The following HDAC8 variants were observed in gnomAD, a reference collection of about 807,000 sequenced individuals.
The protein encoded by HDAC8 is histone deacetylase 8, also known as histone deacetylase-like 1.
A neutral mutation model predicts 32.2 loss-of-function variants in HDAC8; 1 was observed. That is an observed-to-expected ratio of 0.03 (90% CI 0.01 to 0.15). The LOEUF is 0.15. HDAC8 is among the 10% of genes least tolerant of loss of function. The pLI is 1.00. For missense variants in HDAC8, 117 were observed against 300.0 expected (o/e 0.39, Z 4.51); for synonymous variants, 108 against 113.9 (o/e 0.95, Z 0.33).
intron 7 of HDAC8, among the ~76,000 whole-genome samples, chrX:72,480,907 G>A (rs1177074053): frequency 1.8e-5 from 2 of 109,926 alleles, no homozygotes; most frequent in Non-Finnish European, 3.8e-5. Context: ...TTGTCAGGGG[G>A]TGGGGAGCCA....
At chrX:72,335,226 G>A (rs1242120875) in intron 10 of HDAC8, among the ~76,000 whole-genome samples, 1 of 111,776 alleles carries the variant, frequency 8.9e-6, no homozygotes, top group Non-Finnish European at 1.9e-5. Context: ...GTTAAGATTC[G>A]CTTTTGGTCT....
intron 9 of HDAC8, among the ~76,000 whole-genome samples, chrX:72,440,725 C>G (rs782541853): frequency 8.9e-6 from 1 of 111,952 alleles, no homozygotes; most frequent in South Asian, 3.8e-4. Flanking sequence ...CGAAGCAGGG[C>G]GAGGCATTGC....
intron 10 of HDAC8, among the ~76,000 whole-genome samples, chrX:72,337,260 C>G (rs2043725242): frequency 8.9e-6 from 1 of 112,322 alleles, no homozygotes; most frequent in South Asian, 3.7e-4. Context: ...TACAGCTATG[C>G]TGCTCAATAT....
intron 7 of HDAC8, among the ~76,000 whole-genome samples, chrX:72,476,197 G>T (rs2048330392): frequency 9.0e-6 from 1 of 110,656 alleles, no homozygotes; most frequent in Non-Finnish European, 1.9e-5. Flanking sequence ...GTCAGAGCTA[G>T]AATTAGAACA....
chrX:72,512,685 C>T (rs1000014819), intron 4 of HDAC8, among the ~76,000 whole-genome samples: 27 of 111,044 alleles, frequency 2.4e-4, no homozygotes, highest in Non-Finnish European at 1.7e-4. Context: ...CAGAGCGTTG[C>T]AGAGCCTCTG....
At chrX:72,366,813 T>G (rs782692361) in intron 9 of HDAC8, among the ~76,000 whole-genome samples, 1 of 111,267 alleles carries the variant, frequency 9.0e-6, no homozygotes, top group Non-Finnish European at 1.9e-5. Context: ...AGTGACATCA[T>G]GAAAAAAACA....
intron 10 of HDAC8, among the ~76,000 whole-genome samples, chrX:72,342,907 C>T (rs1461210981): frequency 9.0e-6 from 1 of 111,003 alleles, no homozygotes; most frequent in Non-Finnish European, 1.9e-5. Context: ...ATATTATATA[C>T]ATTAGAGACT....
At chrX:72,383,058 A>G (rs1217962607) in intron 9 of HDAC8, among the ~76,000 whole-genome samples, 1 of 112,103 alleles carries the variant, frequency 8.9e-6, no homozygotes, top group Non-Finnish European at 1.9e-5. Context: ...TAGGAAAGCT[A>G]TAGGATCAGA....
intron 5 of HDAC8, among the ~76,000 whole-genome samples, chrX:72,494,631 T>G: frequency 9.0e-6 from 1 of 111,504 alleles, no homozygotes; most frequent in Admixed American, 9.6e-5. Context: ...TGCTAAGTGA[T>G]TCTGCTATTA....
intron 4 of HDAC8, among the ~76,000 whole-genome samples, chrX:72,527,444 G>A (rs1409144761): frequency 9.0e-6 from 1 of 111,430 alleles, no homozygotes; most frequent in Non-Finnish European, 1.9e-5. Flanking sequence ...ATTACATTAC[G>A]GTAGAATGCT....
chrX:72,412,562 G>A (rs1333045566), intron 9 of HDAC8, among the ~76,000 whole-genome samples: 1 of 111,490 alleles, frequency 9.0e-6, no homozygotes, highest in Admixed American at 9.6e-5. Flanking sequence ...GGCACTTTGG[G>A]TAGGGCCTTT....
intron 4 of HDAC8, among the ~76,000 whole-genome samples, chrX:72,524,597 TTG>T (rs1456178492): frequency 9.0e-6 from 1 of 111,621 alleles, no homozygotes; most frequent in East Asian, 2.8e-4. Flanking sequence ...TACTGGAGGC[TTG>T]TGTGTCTAAC....
chrX:72,365,900 T>G (rs2044684056), intron 9 of HDAC8, among the ~76,000 whole-genome samples: 1 of 112,239 alleles, frequency 8.9e-6, no homozygotes, highest in South Asian at 3.8e-4. Context: ...GCTCAGCACC[T>G]ATTGATTCAT....
At chrX:72,420,408 AC>A (rs1202200077) in intron 9 of HDAC8, among the ~76,000 whole-genome samples, 5 of 111,645 alleles carry the variant, frequency 4.5e-5, no homozygotes, top group African/African-American at 1.6e-4. Context: ...TGTCTTACAA[AC>A]CTTTTTAAAA....
At chrX:72,337,830 C>T (rs1241919272) in intron 10 of HDAC8, among the ~76,000 whole-genome samples, 1 of 112,299 alleles carries the variant, frequency 8.9e-6, no homozygotes, top group Non-Finnish European at 1.9e-5. Flanking sequence ...CCACCACCCT[C>T]CTTGCTCACT....
At chrX:72,347,625 C>T (rs1248513318) in intron 10 of HDAC8, among the ~76,000 whole-genome samples, 1 of 111,874 alleles carries the variant, frequency 8.9e-6, no homozygotes, top group Non-Finnish European at 1.9e-5. Flanking sequence ...TGCATTTCCC[C>T]ATGCAGAGCT....
chrX:72,535,095 T>C (rs782813456), intron 4 of HDAC8, among the ~76,000 whole-genome samples: 1 of 112,159 alleles, frequency 8.9e-6, no homozygotes, highest in African/African-American at 3.2e-5. Flanking sequence ...CAAGTTTCAT[T>C]CTTACTTTCA....
At chrX:72,418,758 G>A (rs782611573) in intron 9 of HDAC8, among the ~76,000 whole-genome samples, 1 of 111,071 alleles carries the variant, frequency 9.0e-6, no homozygotes, top group East Asian at 2.8e-4. Flanking sequence ...GGATTGTTAT[G>A]GTTTTAGCTC....
At chrX:72,478,788 C>G (rs2048414301) in intron 7 of HDAC8, among the ~76,000 whole-genome samples, 1 of 108,721 alleles carries the variant, frequency 9.2e-6, no homozygotes. Flanking sequence ...TCCCAAGTAG[C>G]TGGGACTACA....
Sources: gnomAD v4.1 joint callset for allele counts (sites outside exome capture counted in the v4.1 genomes callset) on GRCh38, gnomAD v4.1.1 for gene constraint, MANE v1.5 for transcripts, NCBI Gene and HGNC (gene_info 2026-07-23, HGNC 2026-07-21) for gene names.